The following NUP93 variants were observed in gnomAD, a reference collection of about 807,000 sequenced individuals.
NUP93 encodes nucleoporin 93.
A neutral mutation model predicts 107.8 loss-of-function variants in NUP93; 55 were observed. That is an observed-to-expected ratio of 0.51 (90% confidence interval 0.41 to 0.64). NUP93 has a LOEUF of 0.64. Ranked by LOEUF, NUP93 falls within the 30% of genes least tolerant of loss-of-function variation. The pLI is 0.00. For synonymous variants in NUP93, 390 were observed against 397.5 expected, an observed-to-expected ratio of 0.98 and a Z score of 0.22; for missense variants, 937 against 1,044.7, an observed-to-expected ratio of 0.90 and a Z score of 1.42.
In NUP93 at chr16:56,763,892, A is replaced by G. The variant is rs112931502; in HGVS notation, c.297+5237A>G. On this transcript the variant is annotated intron_variant, in intron 3 of 21. Transcript: ENST00000308159. ...AAAAGACTCTGTTCTGAAGGTCTTCATAATCTGCCTAAATCTCCAGATGGA... is the reference window on the plus strand; with the variant it reads ...AAAAGACTCTGTTCTGAAGGTCTTCGTAATCTGCCTAAATCTCCAGATGGA... 3.1e-3 allele frequency among the ~76,000 whole-genome samples: 472 copies of G among 152,330 alleles called. 3 individuals are homozygous for G. The highest frequency in any genetic ancestry group is 0.011 in the African/African-American group (447 of 41,576).
intron 1 of NUP93, among the ~76,000 whole-genome samples, chr16:56,733,623 G>A (rs1249853192): frequency 1.3e-5 from 2 of 152,106 alleles, no homozygotes; most frequent in Non-Finnish European, 2.9e-5. Context: ...TGTAGTTTGA[G>A]GCACCCATGA....
chr16:56,754,757 G>A (rs1961987053), intron 2 of NUP93, among the ~76,000 whole-genome samples: 1 of 152,182 alleles, frequency 6.6e-6, no homozygotes, highest in Non-Finnish European at 1.5e-5. Flanking sequence ...GTGCCCCAGT[G>A]GGGACTCTTT....
intron 6 of NUP93, among the ~76,000 whole-genome samples, chr16:56,819,499 C>T (rs2058673731): frequency 6.6e-6 from 1 of 152,244 alleles, no homozygotes. Context: ...GGAATATCTG[C>T]TCAGCCATTA....
At chr16:56,813,680 G>A (rs1963361964) in intron 5 of NUP93, among the ~76,000 whole-genome samples, 1 of 152,000 alleles carries the variant, frequency 6.6e-6, no homozygotes, top group South Asian at 2.1e-4. Context: ...TTCTCCCAGG[G>A]GCTTACATGC....
At chr16:56,803,895 G>A (rs1358676570) in intron 4 of NUP93, among the ~76,000 whole-genome samples, 3 of 152,064 alleles carry the variant, frequency 2.0e-5, no homozygotes, top group African/African-American at 7.2e-5. Flanking sequence ...GGGATTACAG[G>A]CACACACCAC....
intron 5 of NUP93, among the ~76,000 whole-genome samples, chr16:56,811,366 G>T (rs1395559477): frequency 6.6e-6 from 1 of 152,110 alleles, no homozygotes; most frequent in Non-Finnish European, 1.5e-5. Context: ...TCAAAATAAT[G>T]GAAAGTTGAT....
At chr16:56,785,446 C>A (rs1205515903) in intron 3 of NUP93, among the ~76,000 whole-genome samples, 1 of 152,092 alleles carries the variant, frequency 6.6e-6, no homozygotes, top group East Asian at 1.9e-4. Context: ...TGAACCTCTT[C>A]AATCTGGAAA....
Position 56,849,747 on chromosome 16 carries a change from G to A in NUP93, c.*5138G>A, listed in dbSNP as rs866275745. 2.0e-5 allele frequency: 3 copies of A among 152,254 alleles called. No individual in the cohort carries two copies. The highest frequency in any genetic ancestry group is 4.8e-5 in the African/African-American group (2 of 41,466). The allele number at this position is 152,254 out of a possible 1,614,324, so 9.4% of individuals were successfully genotyped here. On this transcript the variant is annotated 3_prime_UTR_variant, in exon 22 of 22. Transcript: ENST00000308159. ...GGCTGCCCTACCTGGGCTTGCCTCT[G>A]CTGGTACTAGCTGCCCAGAGACCTT...
chr16:56,759,834 GTT>G (rs1445964757), intron 3 of NUP93, among the ~76,000 whole-genome samples: 7 of 151,998 alleles, frequency 4.6e-5, no homozygotes, highest in African/African-American at 1.7e-4. Context: ...TGCTGAAAGG[GTT>G]TTTGTTCGTT....
At chr16:56,838,688 C>T (rs1253867603) in intron 18 of NUP93, among the ~76,000 whole-genome samples, 3 of 152,146 alleles carry the variant, frequency 2.0e-5, no homozygotes. Flanking sequence ...ACCTCAGCCT[C>T]CTGAGTAACT....
intron 1 of NUP93, among the ~76,000 whole-genome samples, chr16:56,747,552 TAA>T (rs57113914): frequency 7.0e-6 from 1 of 142,496 alleles, no homozygotes; most frequent in African/African-American, 2.6e-5. Context: ...ACATGAGTAT[TAA>T]AAAAAAAAAA....
At chr16:56,753,000 A>G (rs1405559647) in intron 2 of NUP93, among the ~76,000 whole-genome samples, 1 of 152,230 alleles carries the variant, frequency 6.6e-6, no homozygotes, top group African/African-American at 2.4e-5. Context: ...AGATGAGATT[A>G]TTTGATCATC....
intron 1 of NUP93, among the ~76,000 whole-genome samples, chr16:56,736,689 G>A (rs1961619119): frequency 6.6e-6 from 1 of 152,202 alleles, no homozygotes; most frequent in South Asian, 2.1e-4. Context: ...ATGTGCTTGA[G>A]AGGAGATGCA....
chr16:56,752,735 A>C (rs1390998012), intron 2 of NUP93, among the ~76,000 whole-genome samples: 1 of 152,220 alleles, frequency 6.6e-6, no homozygotes, highest in Non-Finnish European at 1.5e-5. Context: ...GAAGAATCAC[A>C]CTTGCAATTT....
At chr16:56,833,862 GC>G (rs1963853956) in intron 13 of NUP93, among the ~76,000 whole-genome samples, 1 of 152,176 alleles carries the variant, frequency 6.6e-6, no homozygotes, top group African/African-American at 2.4e-5. Flanking sequence ...CAGAGCACAT[GC>G]CATAATCGTC....
chr16:56,785,762 TTTA>T (rs1712356484), intron 3 of NUP93, among the ~76,000 whole-genome samples: 2 of 152,200 alleles, frequency 1.3e-5, no homozygotes, highest in Admixed American at 6.5e-5. Context: ...ACAACCACTT[TTTA>T]TTGTTAGAAG....
chr16:56,818,430 G>A lies in NUP93; in HGVS notation c.490-234G>A, dbSNP rs546345427. ...TTGAGGTATTGATAGGGTTTATGCA[G>A]CCCCTCACTCTTTTTTAGTTAATCC... On this transcript the variant is annotated intron_variant, in intron 5 of 21. Coordinates refer to ENST00000308159, the MANE Select transcript of NUP93 (RefSeq NM_014669.5). 1.8e-4 allele frequency among the ~76,000 whole-genome samples: 28 copies of A among 152,290 alleles called. No homozygotes were observed. The South Asian group carries it at 5.8e-3, about 32-fold the overall frequency.
intron 3 of NUP93, among the ~76,000 whole-genome samples, chr16:56,763,492 GTGTGTGGGTGGGTGTGTGTGTGTA>G (rs781469495): frequency 3.0e-4 from 45 of 151,458 alleles, no homozygotes; most frequent in East Asian, 1.9e-3. Context: ...TTGTGTGTGT[GTGTGTGGGTGGGTGTGTGTGTGTA>G]TGTGTGGGTG....
chr16:56,805,857 A>T (rs183675864), intron 5 of NUP93, among the ~76,000 whole-genome samples: 18 of 151,828 alleles, frequency 1.2e-4, no homozygotes, highest in African/African-American at 4.3e-4. Context: ...CCTGACCTCT[A>T]TAGGTTTGAG....
Sources: allele counts gnomAD v4.1 joint callset (sites outside exome capture counted in the v4.1 genomes callset), GRCh38; gene constraint gnomAD v4.1.1; transcripts MANE v1.5; gene names NCBI Gene and HGNC (gene_info 2026-07-23, HGNC 2026-07-21).